Variants in LRRC8B observed in about 807,000 individuals in gnomAD.
LRRC8B encodes the protein leucine rich repeat containing 8 VRAC subunit B.
Under a neutral mutation model 58.8 loss-of-function variants are expected in LRRC8B, and 23 were observed. The observed-to-expected ratio is 0.39, with a 90% CI of 0.28 to 0.55. The LOEUF (loss-of-function observed/expected upper bound fraction) is 0.55. Among genes scored for constraint, LRRC8B ranks in the 20% least tolerant of loss-of-function variants. The probability of loss-of-function intolerance (pLI) is 0.62; values close to 1 mark genes in which losing one functional copy is unlikely to be tolerated. For synonymous variants in LRRC8B, 359 were observed against 374.1 expected (o/e 0.96, Z 0.47); for missense variants, 694 against 936.0 (o/e 0.74, Z 3.37).
At chr1:89,559,339 T>G (rs1325727621) in intron 1 of LRRC8B, among the ~76,000 whole-genome samples, 6 of 152,022 alleles carry the variant, frequency 3.9e-5, no homozygotes, top group Admixed American at 3.3e-4. Flanking sequence ...TACCTTTTTA[T>G]CTTCAGTTAA....
At chr1:89,537,889 T>C (rs776771044) in intron 1 of LRRC8B, among the ~76,000 whole-genome samples, 10 of 152,246 alleles carry the variant, frequency 6.6e-5, no homozygotes, top group African/African-American at 1.2e-4. Context: ...TCACCAAGTC[T>C]GCTGACATCT....
chr1:89,588,299 T>C (rs1570650702), intron 5 of LRRC8B, among the ~76,000 whole-genome samples: 2 of 152,218 alleles, frequency 1.3e-5, no homozygotes, highest in African/African-American at 4.8e-5. Flanking sequence ...CTTTTGATCA[T>C]ATTTTTGCTG....
chr1:89,592,718 T>C (rs1447239279), intron 5 of LRRC8B, 53 bp from the exon 6 acceptor site: 16 of 1,510,494 alleles, frequency 1.1e-5, no homozygotes, highest in Non-Finnish European at 1.5e-5. Flanking sequence ...AAATGTCTTA[T>C]CATAAGCCAC....
intron 1 of LRRC8B, among the ~76,000 whole-genome samples, chr1:89,538,449 A>G (rs1306624107): frequency 6.6e-6 from 1 of 152,158 alleles, no homozygotes; most frequent in East Asian, 1.9e-4. Context: ...CTTAGAGTGA[A>G]GTGACTGTCA....
Position 89,584,293 on chromosome 1 carries a change from G to C in LRRC8B, c.1643G>C (p.Ser548Thr), listed in dbSNP as rs368818069. ...CTAAGGACCCTGTACTTGAAGAGCA[G>C]CCTCTCCCGGATCCCACAAGTTGTT... The part of the protein sequence containing the change: ...KNLRTLYLKS[S>T]LSRIPQVVTD... The change falls in exon 5 of 6, where the codon AGC (serine) becomes ACC (threonine). Residue 548 changes from serine (S) to threonine (T), a missense_variant. Around this residue, in one of 5 missense-constraint regions of LRRC8B, gnomAD observed 162 missense variants for 198.5 expected, o/e 0.82. Coordinates refer to ENST00000330947, the MANE Select transcript of LRRC8B (RefSeq NM_001369817.2). 1 of 1,614,034 alleles carries C rather than the reference G, an allele frequency of 6.2e-7. No homozygotes were observed. The highest frequency in any genetic ancestry group is 8.5e-7 in the Non-Finnish European group (1 of 1,180,034).
intron 1 of LRRC8B, among the ~76,000 whole-genome samples, chr1:89,545,795 A>G (rs1651355117): frequency 6.6e-6 from 1 of 152,192 alleles, no homozygotes; most frequent in Non-Finnish European, 1.5e-5. Context: ...TTCAGTGGAA[A>G]CATCGTAGGA....
At chr1:89,581,811 A>G (rs1654244807) in intron 4 of LRRC8B, among the ~76,000 whole-genome samples, 1 of 152,238 alleles carries the variant, frequency 6.6e-6, no homozygotes, top group African/African-American at 2.4e-5. Flanking sequence ...TAACTTTTAA[A>G]TACTTCCCAA....
intron 1 of LRRC8B, among the ~76,000 whole-genome samples, chr1:89,533,472 G>A (rs528950002): frequency 6.6e-6 from 1 of 152,206 alleles, no homozygotes; most frequent in South Asian, 2.1e-4. Flanking sequence ...CCGTAGCTTT[G>A]TTCCTTCCCT....
At chr1:89,566,230 A>G (rs1483895936) in intron 1 of LRRC8B, among the ~76,000 whole-genome samples, 1 of 152,216 alleles carries the variant, frequency 6.6e-6, no homozygotes, top group Non-Finnish European at 1.5e-5. Flanking sequence ...TGTAAAAGAA[A>G]TATTAGTAAA....
At chr1:89,538,227 A>C (rs977896148) in intron 1 of LRRC8B, among the ~76,000 whole-genome samples, 4 of 152,228 alleles carry the variant, frequency 2.6e-5, no homozygotes, top group African/African-American at 7.2e-5. Flanking sequence ...CAAATGTCCT[A>C]GAAAATTATG....
At chr1:89,555,462 T>G (rs917138660) in intron 1 of LRRC8B, among the ~76,000 whole-genome samples, 9 of 152,224 alleles carry the variant, frequency 5.9e-5, no homozygotes, top group Non-Finnish European at 1.0e-4. Flanking sequence ...TAATTAAAAC[T>G]CTTGTATCTG....
intron 1 of LRRC8B, among the ~76,000 whole-genome samples, chr1:89,549,098 T>TA (rs1651623817): frequency 6.6e-6 from 1 of 152,096 alleles, no homozygotes; most frequent in South Asian, 2.1e-4. Context: ...GCCCTACAAA[T>TA]AGAAGCCCTG....
At chr1:89,536,141 G>T (rs2100811388) in intron 1 of LRRC8B, among the ~76,000 whole-genome samples, 1 of 152,224 alleles carries the variant, frequency 6.6e-6, no homozygotes, top group Non-Finnish European at 1.5e-5. Context: ...ATAGACATTT[G>T]CCCATCAATG....
chr1:89,541,710 CAAAAAAAAAAAAAAAAAAA>C (rs61714771), intron 1 of LRRC8B, among the ~76,000 whole-genome samples: 37 of 42,232 alleles, frequency 8.8e-4, no homozygotes, highest in African/African-American at 2.5e-3. Context: ...GACTCCGTCT[CAAAAAAAAAAAAAAAAAAA>C]AAAAAAAAAA....
intron 1 of LRRC8B, among the ~76,000 whole-genome samples, chr1:89,567,541 A>G (rs536480932): frequency 3.3e-5 from 5 of 152,334 alleles, no homozygotes; most frequent in African/African-American, 4.8e-5. Flanking sequence ...AAATAAAGCA[A>G]CAATAAGATC....
chr1:89,529,911 T>C lies in LRRC8B; in HGVS notation c.-241+4889T>C, dbSNP rs1474064433. Among the ~76,000 whole-genome samples, 12 of 152,246 alleles carry C rather than the reference T, an allele frequency of 7.9e-5. No homozygotes were observed. The East Asian group carries it at 1.9e-3, about 24-fold the overall frequency. ...AGCATATAGTTTGTGCCAGGCACTG[T>C]ACTATATTCTGGGGATGCAATGATG... On this transcript the variant is annotated intron_variant, in intron 1 of 5. Transcript: ENST00000330947.
At chr1:89,570,259 A>G (rs979667808) in intron 3 of LRRC8B, among the ~76,000 whole-genome samples, 2 of 152,202 alleles carry the variant, frequency 1.3e-5, no homozygotes, top group Non-Finnish European at 2.9e-5. Context: ...GCTGGGTTGA[A>G]TGGCGTTTCT....
At chr1:89,547,259 G>T (rs185581307) in intron 1 of LRRC8B, among the ~76,000 whole-genome samples, 1 of 151,032 alleles carries the variant, frequency 6.6e-6, no homozygotes, top group Non-Finnish European at 1.5e-5. Flanking sequence ...CAGAAACCTG[G>T]TTGTTAAATA....
At chr1:89,543,984 T>G (rs549807537) in intron 1 of LRRC8B, among the ~76,000 whole-genome samples, 2 of 152,240 alleles carry the variant, frequency 1.3e-5, no homozygotes, top group African/African-American at 4.8e-5. Context: ...TTTGTAGAGA[T>G]GAAGTCTTGC....
Sources: gnomAD v4.1 joint callset for allele counts (sites outside exome capture counted in the v4.1 genomes callset) on GRCh38, gnomAD v4.1.1 for gene constraint, gnomAD v4.1.1 regional missense constraint, MANE v1.5 for transcripts, NCBI Gene and HGNC (gene_info 2026-07-23, HGNC 2026-07-21) for gene names.